Variants in ATPAF2 observed in about 807,000 individuals in gnomAD.
The protein encoded by ATPAF2 is ATP synthase mitochondrial F1 complex assembly factor 2.
A neutral mutation model predicts 36.6 loss-of-function variants in ATPAF2; 30 were observed. That is an observed-to-expected ratio of 0.82 (90% CI 0.61 to 1.11). The LOEUF is 1.11. Among genes scored for constraint, ATPAF2 ranks in the 50% most tolerant of loss-of-function variants. The pLI, the probability that ATPAF2 is intolerant of heterozygous loss-of-function variation, is 0.00. For synonymous variants in ATPAF2, 140 were observed against 152.6 expected, an observed-to-expected ratio of 0.92 and a Z score of 0.61; for missense variants, 321 against 372.3, an observed-to-expected ratio of 0.86 and a Z score of 1.13.
chr17:18,033,886 G>A (rs1193678647), intron 1 of ATPAF2, among the ~76,000 whole-genome samples: 1 of 151,784 alleles, frequency 6.6e-6, no homozygotes, highest in South Asian at 2.1e-4. Context: ...TTGGCTGGCT[G>A]AGGCAGGTGG....
At chr17:18,029,879 TAAAAAAAAAA>T (rs771131818) in intron 1 of ATPAF2, among the ~76,000 whole-genome samples, 4 of 53,208 alleles carry the variant, frequency 7.5e-5, no homozygotes, top group Admixed American at 5.0e-4. Context: ...CCTTTAACGC[TAAAAAAAAAA>T]AAAAAAAAAA....
In ATPAF2 at chr17:18,021,759, G is replaced by T; in HGVS notation, c.602C>A (p.Thr201Lys). The change falls in exon 6 of 8, where the codon ACA becomes AAA. Residue 201 changes from threonine to lysine, a missense_variant. Thr to Lys is a moderately conservative substitution (Grantham distance 78). Around this residue, in one of 3 missense-constraint regions of ATPAF2, gnomAD observed 199 missense variants for 220.6 expected, o/e 0.90. Coordinates refer to ENST00000474627, the MANE Select transcript of ATPAF2 (RefSeq NM_145691.4). ...VLVSHLASYN[T>K]WALQGIEFVA... is the part of the protein sequence containing the mutation. ...TCCATACATGCCTTGTAAAGCCCATGTGTTGTAAGATGCCAGGTGGCTGAC... is the reference window on the plus strand; with the variant it reads ...TCCATACATGCCTTGTAAAGCCCATTTGTTGTAAGATGCCAGGTGGCTGAC... 6.2e-7 allele frequency: 1 copy of T among 1,613,994 alleles called. No individual in the cohort carries two copies. Among genetic ancestry groups the T allele is most frequent in the Non-Finnish European group, 8.5e-7 (1 of 1,179,940 alleles).
chr17:18,034,058 G>A (rs1265804672), intron 1 of ATPAF2, among the ~76,000 whole-genome samples: 2 of 152,144 alleles, frequency 1.3e-5, no homozygotes, highest in Non-Finnish European at 2.9e-5. Flanking sequence ...GGTTGAGGCT[G>A]CAGTGAGCCA....
intron 1 of ATPAF2, among the ~76,000 whole-genome samples, chr17:18,030,830 C>CTTTT (rs34365252): frequency 1.0e-4 from 8 of 80,104 alleles, no homozygotes; most frequent in Admixed American, 1.6e-4. Context: ...CCACGCCTGG[C>CTTTT]TTTTTTTTTT....
intron 4 of ATPAF2, chr17:18,025,027 C>T (rs1404368285): frequency 3.3e-5 from 13 of 399,072 alleles, no homozygotes; most frequent in Non-Finnish European, 6.2e-5. Flanking sequence ...CCTAAATGCC[C>T]CCAAATATTT....
In ATPAF2 at chr17:18,039,016, C is replaced by A. The variant is rs966605830; in HGVS notation, c.-3G>T. On this transcript the variant is annotated 5_prime_UTR_variant, in exon 1 of 8. Transcript: ENST00000474627. This position sits in a 1 kb window ranked among gnomAD's most constrained non-coding sequence, Gnocchi z 5.3. ...AGCCGGAGGCAGCTCCTCCACATCG[C>A]GCCCGAGGGTCTGGGAAGATGCGAG... The A allele has an allele frequency of 3.8e-6, 6 of 1,597,756 alleles. No individual in the cohort carries two copies. The African/African-American group carries it at 8.0e-5, about 21-fold the overall frequency.
Position 18,024,610 on chromosome 17 carries a change from G to A in ATPAF2, c.503+14C>T. The A allele has an allele frequency of 3.7e-6, 6 of 1,611,308 alleles. No individual in the cohort carries two copies. The highest frequency in any genetic ancestry group is 4.2e-6 in the Non-Finnish European group (5 of 1,177,836). On this transcript the variant is annotated intron_variant, in intron 5 of 7. Transcript: ENST00000474627. ...GTGCCCAGTCAGTGCTTTCTGCAGG[G>A]CTGTACATCTTACCTTTTCTCAGCC...
At position 18,024,676 on chromosome 17, in the gene ATPAF2, C is replaced by T. The variant is rs146000663; in HGVS notation, c.451G>A (p.Val151Met). ...TCCCACTCATTCCTTTGAAGTTCCACTAATGTCTCGGGCTCCTCCACCCTG... is the reference window on the plus strand; with the variant it reads ...TCCCACTCATTCCTTTGAAGTTCCATTAATGTCTCGGGCTCCTCCACCCTG... ...CYRVEEPETLVELQRNEWDPI... is the reference protein window; with the variant it reads ...CYRVEEPETLMELQRNEWDPI... Residue 151 changes from valine to methionine, a missense_variant, in exon 5 of 8, where the codon GTG (valine) becomes ATG (methionine). Transcript: ENST00000474627. 6.1e-5 allele frequency: 98 copies of T among 1,614,000 alleles called. 1 individual carries two copies. The African/African-American group carries it at 1.1e-3, about 18-fold the overall frequency.
chr17:18,017,191 A>C (rs1169060060), downstream of ATPAF2, among the ~76,000 whole-genome samples: 1 of 148,530 alleles, frequency 6.7e-6, no homozygotes, highest in African/African-American at 2.4e-5. Context: ...AAAAAAAAAA[A>C]AAAAAAAAAA....
chr17:18,020,963 C>T, intron 7 of ATPAF2, 160 bp downstream of exon 7: 1 of 1,438,184 alleles, frequency 7.0e-7, no homozygotes, highest in East Asian at 2.6e-5. Context: ...GCCAGGCCTA[C>T]TTGACAATAC....
At chr17:18,019,867 T>C (rs1188180325) in intron 7 of ATPAF2, among the ~76,000 whole-genome samples, 1 of 152,188 alleles carries the variant, frequency 6.6e-6, no homozygotes, top group East Asian at 1.9e-4. Flanking sequence ...CCTCTGTTTG[T>C]AGAGGATCGA....
chr17:18,033,178 G>C, intron 1 of ATPAF2, among the ~76,000 whole-genome samples: 1 of 151,950 alleles, frequency 6.6e-6, no homozygotes, highest in East Asian at 1.9e-4. Flanking sequence ...AGAGCAGCCT[G>C]GCCAACATGG....
chr17:18,015,352 A>C (rs890319343), downstream of ATPAF2: 1 of 152,242 alleles, frequency 6.6e-6, no homozygotes, highest in East Asian at 1.9e-4. Context: ...CTCTGCTTCA[A>C]GGTGGAAGCA....
At chr17:18,030,729 G>A (rs1375564105) in intron 1 of ATPAF2, among the ~76,000 whole-genome samples, 6 of 143,918 alleles carry the variant, frequency 4.2e-5, no homozygotes, top group East Asian at 2.0e-4. Flanking sequence ...GTGCAGTAGC[G>A]CGATCTCAGC....
chr17:18,038,834 C>T (rs752985161), intron 1 of ATPAF2, 47 bp downstream of exon 1: 2 of 1,609,632 alleles, frequency 1.2e-6, no homozygotes, highest in Non-Finnish European at 1.7e-6. Flanking sequence ...CGAAGCCCAC[C>T]TTACCCCAGC....
chr17:18,022,194 A>C lies in ATPAF2; in HGVS notation c.504-337T>G, dbSNP rs553530258. ...GGCCATCTGCCTTTTACATCTCTTT[A>C]AAGTTTTTCACATTTGAGGACATAT... On this transcript the variant is annotated intron_variant, in intron 5 of 7. Coordinates refer to ENST00000474627, the MANE Select transcript of ATPAF2 (RefSeq NM_145691.4). Among the ~76,000 whole-genome samples, 12 of 152,384 alleles carry C rather than the reference A, an allele frequency of 7.9e-5. No individual in the cohort carries two copies. In the South Asian group the frequency reaches 2.5e-3, roughly 32 times the overall value.
downstream of ATPAF2, among the ~76,000 whole-genome samples, chr17:18,017,191 AAAAAAAAAAAAAAAAAAT>A: frequency 6.7e-6 from 1 of 148,530 alleles, no homozygotes. Flanking sequence ...AAAAAAAAAA[AAAAAAAAAAAAAAAAAAT>A]GTTCATGTAG....
Position 18,018,361 on chromosome 17 carries a change from G to A in ATPAF2, c.*188C>T, listed in dbSNP as rs867039468. The A allele has an allele frequency of 1.2e-5, 9 of 729,806 alleles. No individual in the cohort carries two copies. In the African/African-American group the frequency reaches 1.2e-4, roughly 10 times the overall value. The allele number at this position is 729,806 out of a possible 1,614,324, so 45.2% of individuals were successfully genotyped here. The stretch of plus-strand genomic sequence containing the variant: ...ACTGCTGGCCAGGCCAGGGGCACCT[G>A]GGTTGAAATCAGGCTGACCTCCGGA... On this transcript the variant is annotated 3_prime_UTR_variant, in exon 8 of 8. Coordinates refer to ENST00000474627, the MANE Select transcript of ATPAF2 (RefSeq NM_145691.4).
At chr17:18,019,187 C>CACA (rs1256217214) in intron 7 of ATPAF2, among the ~76,000 whole-genome samples, 8 of 40,424 alleles carry the variant, frequency 2.0e-4, no homozygotes, top group East Asian at 9.5e-4. Context: ...ACACACACAC[C>CACA]CCACCACCCC....
Sources: allele counts gnomAD v4.1 joint callset (sites outside exome capture counted in the v4.1 genomes callset), GRCh38; gene constraint gnomAD v4.1.1; regional missense constraint gnomAD v4.1.1; non-coding constraint Gnocchi (gnomAD v3.1); transcripts MANE v1.5; gene names NCBI Gene and HGNC (gene_info 2026-07-23, HGNC 2026-07-21).